VPS54: variants seen among roughly 807,000 people sequenced by gnomAD.
The protein encoded by VPS54 is VPS54 subunit of GARP complex, also known as vacuolar protein sorting-associated protein 54.
In VPS54, 45 loss-of-function variants were observed where a neutral mutation model predicts 121.5. The ratio of observed to expected loss-of-function variants is 0.37; its 90% CI spans 0.29 to 0.47. The LOEUF is 0.47. Ranked by LOEUF, VPS54 falls within the 20% of genes least tolerant of loss-of-function variation. The pLI, the probability that VPS54 is intolerant of heterozygous loss-of-function variation, is 0.99. For synonymous variants in VPS54, 371 were observed against 385.8 expected (o/e 0.96, Z 0.45); for missense variants, 1,090 against 1,131.4 (o/e 0.96, Z 0.52).
intron 1 of VPS54, among the ~76,000 whole-genome samples, chr2:64,002,248 G>T (rs745407371): frequency 6.6e-6 from 1 of 152,234 alleles, no homozygotes; most frequent in Non-Finnish European, 1.5e-5. Flanking sequence ...ATTCAAGACT[G>T]TCTTTCCTAT....
chr2:63,912,440 G>A lies in VPS54; in HGVS notation c.2545-15C>T, dbSNP rs372695754. 1.2e-5 allele frequency: 19 copies of A among 1,611,644 alleles called. No individual in the cohort carries two copies. The highest frequency in any genetic ancestry group is 1.5e-5 in the Non-Finnish European group (18 of 1,178,804). ...TCATGGTAGTCCTGCAATGAGAAAT[G>A]ATAATTGTATTTTTAAGTCCCTGGG... is the stretch of plus-strand genomic sequence containing the variant. On this transcript the variant is annotated splice_polypyrimidine_tract_variant and intron_variant, in intron 19 of 22. Transcript: ENST00000272322.
At chr2:63,898,569 G>A (rs1333409350) in intron 21 of VPS54, among the ~76,000 whole-genome samples, 1 of 152,078 alleles carries the variant, frequency 6.6e-6, no homozygotes, top group Non-Finnish European at 1.5e-5. Flanking sequence ...CCAACAGTAG[G>A]CAAGAGACAC....
chr2:63,990,489 C>T (rs900402510), intron 1 of VPS54, among the ~76,000 whole-genome samples: 9 of 152,066 alleles, frequency 5.9e-5, no homozygotes, highest in East Asian at 1.9e-4. Context: ...ATTCCTCAAC[C>T]GGTCACTTTG....
At chr2:63,911,364 A>T (rs1461623687) in intron 20 of VPS54, among the ~76,000 whole-genome samples, 1 of 152,190 alleles carries the variant, frequency 6.6e-6, no homozygotes, top group Non-Finnish European at 1.5e-5. Flanking sequence ...GAAGCATAAA[A>T]CACCTGTATT....
intron 8 of VPS54, among the ~76,000 whole-genome samples, chr2:63,948,414 G>GTTTTTTTT (rs560700373): frequency 1.9e-5 from 2 of 106,130 alleles, no homozygotes; most frequent in Non-Finnish European, 1.8e-5. Flanking sequence ...CACTTTTTCG[G>GTTTTTTTT]TTTTTTTTTT....
At chr2:63,994,918 A>G (rs543198519) in intron 1 of VPS54, among the ~76,000 whole-genome samples, 1 of 152,306 alleles carries the variant, frequency 6.6e-6, no homozygotes, top group South Asian at 2.1e-4. Flanking sequence ...GAATGCCTGG[A>G]GGCTACTTAT....
chr2:63,905,418 T>C (rs1672862111), intron 20 of VPS54, among the ~76,000 whole-genome samples: 1 of 152,010 alleles, frequency 6.6e-6, no homozygotes, highest in African/African-American at 2.4e-5. Context: ...AAGTTAATGC[T>C]TCCAAGTTAA....
In VPS54 at chr2:63,920,561, T is replaced by C. The variant is rs868688546; in HGVS notation, c.1936A>G (p.Ile646Val). The stretch of plus-strand genomic sequence containing the variant: ...CCACAGATCTGTTCGGTGTCTAAAA[T>C]GAATGTTTCCATTAATCTAGAAAGT... ...ITLSRLMETFILDTEQICGRK... is the reference protein window; with the variant it reads ...ITLSRLMETFVLDTEQICGRK... The change falls in exon 14 of 23, where the codon ATT becomes GTT. Residue 646 changes from isoleucine (I) to valine (V), a missense_variant. Ile to Val is a conservative substitution (Grantham distance 29, BLOSUM62 3). Coordinates refer to ENST00000272322, the MANE Select transcript of VPS54 (RefSeq NM_016516.3). 11 of 1,575,354 alleles carry C rather than the reference T, an allele frequency of 7.0e-6. No individual in the cohort carries two copies. In the Middle Eastern group the frequency reaches 1.9e-3, roughly 265 times the overall value.
intron 1 of VPS54, among the ~76,000 whole-genome samples, chr2:63,986,519 A>T (rs1341445925): frequency 6.6e-6 from 1 of 152,220 alleles, no homozygotes; most frequent in Non-Finnish European, 1.5e-5. Flanking sequence ...GTTGATGGAC[A>T]TTTCAGCTGT....
chr2:64,003,857 A>G (rs1448373358), intron 1 of VPS54, among the ~76,000 whole-genome samples: 1 of 152,218 alleles, frequency 6.6e-6, no homozygotes, highest in Admixed American at 6.5e-5. Context: ...ACCACCAGCC[A>G]GAACCCCACC....
intron 20 of VPS54, among the ~76,000 whole-genome samples, chr2:63,902,785 T>G (rs1215234711): frequency 6.6e-6 from 1 of 152,052 alleles, no homozygotes; most frequent in Non-Finnish European, 1.5e-5. Flanking sequence ...CTGGCCAACA[T>G]GGCAAAACCC....
chr2:63,893,558 T>C, intron 22 of VPS54, 23 bp from the exon 23 acceptor site: 2 of 1,588,034 alleles, frequency 1.3e-6, no homozygotes, highest in South Asian at 1.1e-5. Context: ...GAGAAAATTA[T>C]TTTTTAAATC....
At chr2:63,968,101 C>T (rs895019374) in intron 5 of VPS54, among the ~76,000 whole-genome samples, 12 of 151,242 alleles carry the variant, frequency 7.9e-5, no homozygotes, top group Non-Finnish European at 1.6e-4. Flanking sequence ...ATCCTTCTAC[C>T]TTTTTTGTGT....
At chr2:63,965,189 A>G (rs1416393933) in intron 6 of VPS54, among the ~76,000 whole-genome samples, 1 of 152,144 alleles carries the variant, frequency 6.6e-6, no homozygotes, top group Non-Finnish European at 1.5e-5. Context: ...AAATTAGCCA[A>G]TGTGGGGCTG....
Position 63,981,929 on chromosome 2 carries a change from T to C in VPS54, c.137-42A>G, listed in dbSNP as rs765233999. Reference sequence around the variant, plus strand: ...AGAGAACTCTGTAAATGCTGTAAAATTGGTTCTATGTTTGAAAGTACACAC... The same window carrying C: ...AGAGAACTCTGTAAATGCTGTAAAACTGGTTCTATGTTTGAAAGTACACAC... On this transcript the variant is annotated intron_variant, in intron 2 of 22. Coordinates refer to ENST00000272322, the MANE Select transcript of VPS54 (RefSeq NM_016516.3). 13 of 1,571,712 alleles carry C rather than the reference T, an allele frequency of 8.3e-6. No homozygotes were observed. The East Asian group carries it at 9.1e-5, about 11-fold the overall frequency.
chr2:63,947,823 T>C (rs932061294), intron 8 of VPS54, among the ~76,000 whole-genome samples: 2 of 151,982 alleles, frequency 1.3e-5, no homozygotes, highest in Admixed American at 6.6e-5. Context: ...ATGGGCCCTG[T>C]GGGTTTTTTT....
intron 9 of VPS54, among the ~76,000 whole-genome samples, chr2:63,945,879 A>C (rs1016134155): frequency 1.3e-5 from 2 of 152,204 alleles, no homozygotes; most frequent in African/African-American, 4.8e-5. Context: ...CTGGGAATTG[A>C]AACATACCAG....
chr2:63,893,062 T>G lies in VPS54; in HGVS notation c.*368A>C, dbSNP rs990254685. On this transcript the variant is annotated 3_prime_UTR_variant, in exon 23 of 23. Transcript: ENST00000272322. ...AGGTGGGACACCATATGAATTTCAT[T>G]GCACTGGAAGAAATGCAAAGCATTT... is the stretch of plus-strand genomic sequence containing the variant. 1.1e-5 allele frequency: 2 copies of G among 186,886 alleles called. No individual in the cohort carries two copies. The highest frequency in any genetic ancestry group is 4.7e-5 in the African/African-American group (2 of 42,578). The allele number at this position is 186,886 out of a possible 1,614,324, so 11.6% of individuals were successfully genotyped here. A position where few individuals can be genotyped will look rare whatever the true frequency, so the allele number is the denominator to read the frequency against.
chr2:63,954,062 T>C (rs1675382052), intron 7 of VPS54, among the ~76,000 whole-genome samples: 1 of 152,154 alleles, frequency 6.6e-6, no homozygotes, highest in Admixed American at 6.5e-5. Flanking sequence ...CTAGAAATAA[T>C]GGCCAATCCA....
Sources: allele counts gnomAD v4.1 joint callset (sites outside exome capture counted in the v4.1 genomes callset), GRCh38; gene constraint gnomAD v4.1.1; transcripts MANE v1.5; gene names NCBI Gene and HGNC (gene_info 2026-07-23, HGNC 2026-07-21).